SNTG2: variants seen among roughly 807,000 people sequenced by gnomAD.
The protein encoded by SNTG2 is gamma-2-syntrophin.
Under a neutral mutation model 70.9 loss-of-function variants are expected in SNTG2, and 74 were observed. The ratio of observed to expected loss-of-function variants is 1.04; its 90% CI spans 0.86 to 1.27. The LOEUF (loss-of-function observed/expected upper bound fraction) is 1.27, where lower values mean the gene tolerates loss of function less well. Ranked by LOEUF, SNTG2 falls within the 50% of genes most tolerant of loss-of-function variation. The pLI is 0.00. For synonymous variants in SNTG2, 278 were observed against 273.8 expected (o/e 1.02, Z -0.15); for missense variants, 717 against 690.7 (o/e 1.04, Z -0.43).
chr2:1,096,554 A>G (rs1001838790), intron 2 of SNTG2, among the ~76,000 whole-genome samples: 6 of 152,002 alleles, frequency 3.9e-5, no homozygotes, highest in African/African-American at 1.5e-4. Context: ...CTTAGATTCC[A>G]CATGCAGGAG....
intron 4 of SNTG2, among the ~76,000 whole-genome samples, chr2:1,114,093 AG>A (rs1666740808): frequency 6.6e-6 from 1 of 151,236 alleles, no homozygotes; most frequent in African/African-American, 2.4e-5. Context: ...GTACTAAGTG[AG>A]GGTTAACCCT....
At chr2:1,021,654 G>A (rs1479717490) in intron 1 of SNTG2, among the ~76,000 whole-genome samples, 1 of 151,016 alleles carries the variant, frequency 6.6e-6, no homozygotes, top group Non-Finnish European at 1.5e-5. Flanking sequence ...CCAGACTGAA[G>A]TGCAGCACTA....
chr2:1,222,129 C>CTCTCTG (rs1553362385), intron 9 of SNTG2, among the ~76,000 whole-genome samples: 5 of 97,952 alleles, frequency 5.1e-5, no homozygotes, highest in Non-Finnish European at 8.7e-5. Context: ...CTCTCTGTCT[C>CTCTCTG]TCTCTGTCTC....
intron 11 of SNTG2, among the ~76,000 whole-genome samples, chr2:1,245,087 C>A (rs1315339527): frequency 1.5e-5 from 2 of 130,460 alleles, no homozygotes; most frequent in African/African-American, 6.0e-5. Flanking sequence ...CACATGGACA[C>A]AGGAAGGGGA....
intron 9 of SNTG2, among the ~76,000 whole-genome samples, chr2:1,213,687 C>G (rs1456732225): frequency 6.6e-6 from 1 of 152,182 alleles, no homozygotes; most frequent in Non-Finnish European, 1.5e-5. Context: ...AGCAATTAAC[C>G]TTACCTGCAT....
At chr2:967,100 T>C (rs186271582) in intron 1 of SNTG2, among the ~76,000 whole-genome samples, 18 of 152,280 alleles carry the variant, frequency 1.2e-4, no homozygotes, top group Non-Finnish European at 1.2e-4. Flanking sequence ...TTGTCACTAG[T>C]CAAAAATATA....
rs59679083 is a variant in SNTG2 at position 1,266,751 on chromosome 2, C to CTT, written c.1078-601_1078-600dup. On this transcript the variant is annotated intron_variant, in intron 13 of 16. Coordinates refer to ENST00000308624, the MANE Select transcript of SNTG2 (RefSeq NM_018968.4). ...AATGTCTCAAGACTTTCATCTTTAT[C>CTT]TTTTTTTTTTTTTTCTTGAGACAGG... Among the ~76,000 whole-genome samples the CTT allele has an allele frequency of 2.5e-4, 27 of 107,778 alleles. 3 individuals carry two copies. In the South Asian group the frequency reaches 2.9e-3, roughly 12 times the overall value. 70.7% of individuals were successfully genotyped at this position (107,778 alleles called of 152,430 possible).
chr2:1,071,421 T>C (rs1422310358), intron 1 of SNTG2, among the ~76,000 whole-genome samples: 2 of 146,452 alleles, frequency 1.4e-5, no homozygotes, highest in East Asian at 4.1e-4. Flanking sequence ...AAACACCGCA[T>C]ATTCTCGCTC....
At chr2:1,127,536 G>A (rs191176819) in intron 4 of SNTG2, among the ~76,000 whole-genome samples, 3 of 152,138 alleles carry the variant, frequency 2.0e-5, no homozygotes, top group East Asian at 1.9e-4. Flanking sequence ...TTTTTAGATC[G>A]CTTTGGGGAG....
intron 1 of SNTG2, among the ~76,000 whole-genome samples, chr2:1,014,206 A>G (rs374358977): frequency 1.6e-3 from 4 of 2,538 alleles, no homozygotes; most frequent in African/African-American, 3.2e-3. Flanking sequence ...GGTCTGGAGA[A>G]GGATTTATAT....
At chr2:1,085,195 A>C (rs961176015) in intron 2 of SNTG2, among the ~76,000 whole-genome samples, 3 of 152,232 alleles carry the variant, frequency 2.0e-5, no homozygotes, top group Non-Finnish European at 4.4e-5. Context: ...TGAGCAAAGA[A>C]AAAAATCAAG....
chr2:1,067,766 C>T (rs1327046254), intron 1 of SNTG2, among the ~76,000 whole-genome samples: 2 of 152,154 alleles, frequency 1.3e-5, no homozygotes, highest in Non-Finnish European at 2.9e-5. Context: ...ATGGAGAAAC[C>T]AAGGCTGAGG....
intron 16 of SNTG2, among the ~76,000 whole-genome samples, chr2:1,326,639 G>T (rs1156583953): frequency 6.6e-6 from 1 of 151,878 alleles, no homozygotes; most frequent in African/African-American, 2.4e-5. Flanking sequence ...GAATGTAAAT[G>T]AAAAATCTTT....
intron 4 of SNTG2, chr2:1,103,394 T>C: frequency 7.0e-6 from 2 of 286,696 alleles, no homozygotes; most frequent in Non-Finnish European, 6.9e-6. Flanking sequence ...TTTTTTTATT[T>C]TTTTTTTTAG....
chr2:1,081,668 G>T lies in SNTG2; in HGVS notation c.73-1850G>T, dbSNP rs374998606. 2.6e-5 allele frequency among the ~76,000 whole-genome samples: 4 copies of T among 152,338 alleles called. No individual in the cohort carries two copies. The East Asian group carries it at 5.8e-4, about 22-fold the overall frequency. On this transcript the variant is annotated intron_variant, in intron 1 of 16. Coordinates refer to ENST00000308624, the MANE Select transcript of SNTG2 (RefSeq NM_018968.4). ...AGGCACTGCCCCTTCCAGAGAGCTG[G>T]TGGATCCACAGACGTCCCGTGAGCT...
rs1572775205 is a variant in SNTG2, at chr2:1,222,105, GTCTCTCTCTGTCTCTCTCTGTC to G, written c.719+12883_719+12904del. 1.5e-3 allele frequency among the ~76,000 whole-genome samples: 42 copies of G among 27,602 alleles called. 5 individuals carry two copies. In the East Asian group the frequency reaches 0.016, roughly 11 times the overall value. 18.1% of individuals were successfully genotyped at this position (27,602 alleles called of 152,430 possible). On this transcript the variant is annotated intron_variant, in intron 9 of 16. Transcript: ENST00000308624. ...TCTCTGTCTCTCTCTGTCTCTCTCT[GTCTCTCTCTGTCTCTCTCTGTC>G]TCTCTCTGTCTCTCTCTGTCTCTGC...
intron 16 of SNTG2, among the ~76,000 whole-genome samples, chr2:1,364,325 T>C (rs1469724930): frequency 6.6e-6 from 1 of 151,430 alleles, no homozygotes; most frequent in East Asian, 2.0e-4. Context: ...CTTCAACTTA[T>C]GGTACCAAAA....
chr2:1,106,182 T>C (rs71440613), intron 4 of SNTG2, among the ~76,000 whole-genome samples: 13,283 of 59,904 alleles, frequency 0.22, 3,294 homozygotes, highest in East Asian at 0.37. Context: ...AGTGGACACA[T>C]GCTGTCACTC....
At chr2:1,155,414 TCACA>T (rs1176441405) in intron 6 of SNTG2, among the ~76,000 whole-genome samples, 2 of 151,258 alleles carry the variant, frequency 1.3e-5, no homozygotes, top group Admixed American at 1.3e-4. Context: ...ATGCCCCACA[TCACA>T]CACACGTGTA....
Sources: gnomAD v4.1 joint callset for allele counts (sites outside exome capture counted in the v4.1 genomes callset) on GRCh38, gnomAD v4.1.1 for gene constraint, MANE v1.5 for transcripts, NCBI Gene and HGNC (gene_info 2026-07-23, HGNC 2026-07-21) for gene names.